ATP2A1: variants seen among roughly 807,000 people sequenced by gnomAD.
The protein encoded by ATP2A1 is ATPase sarcoplasmic/endoplasmic reticulum Ca2+ transporting 1.
A neutral mutation model predicts 109.5 loss-of-function variants in ATP2A1; 83 were observed. That is an observed-to-expected ratio of 0.76 (90% confidence interval 0.63 to 0.91). The LOEUF is 0.91. Among genes scored for constraint, ATP2A1 ranks in the 40% least tolerant of loss-of-function variants. The pLI, the probability that ATP2A1 is intolerant of heterozygous loss-of-function variation, is 0.00. For synonymous variants in ATP2A1, 505 were observed against 537.6 expected (o/e 0.94, Z 0.84); for missense variants, 1,101 against 1,341.0 (o/e 0.82, Z 2.80).
chr16:28,888,776 C>A lies in ATP2A1; in HGVS notation c.929-11C>A. ...TGCAGGTTCCCTCACACCCTCCCTCCCTCCCCACAGGTCTTCCTGCAGTCA... is the reference window on the plus strand; with the variant it reads ...TGCAGGTTCCCTCACACCCTCCCTCACTCCCCACAGGTCTTCCTGCAGTCA... On this transcript the variant is annotated splice_polypyrimidine_tract_variant and intron_variant, in intron 8 of 22. Coordinates refer to ENST00000395503, the MANE Select transcript of ATP2A1 (RefSeq NM_004320.6). 1 of 1,611,470 alleles carries A rather than the reference C, an allele frequency of 6.2e-7. No individual in the cohort carries two copies. The highest frequency in any genetic ancestry group is 1.1e-5 in the South Asian group (1 of 90,996).
intron 11 of ATP2A1, 75 bp from the exon 12 acceptor site, chr16:28,894,747 A>G (rs1422800427): frequency 6.2e-7 from 1 of 1,604,790 alleles, no homozygotes; most frequent in Non-Finnish European, 8.5e-7. Flanking sequence ...CTTCCTTCTT[A>G]CGCTAGGTGG....
intron 4 of ATP2A1, 59 bp downstream of exon 4, chr16:28,881,078 T>C: frequency 6.0e-6 from 9 of 1,509,204 alleles, no homozygotes; most frequent in Non-Finnish European, 8.3e-6. Flanking sequence ...AGGCCAACCC[T>C]CCCTCCAGTC....
rs558066760 is a variant in ATP2A1, at chr16:28,898,646, G to A, written c.1764+195G>A. Among the ~76,000 whole-genome samples, 21 of 152,196 alleles carry A rather than the reference G, an allele frequency of 1.4e-4. No individual in the cohort carries two copies. Among genetic ancestry groups the A allele is most frequent in the Admixed American group, 7.9e-4 (12 of 15,268 alleles). On this transcript the variant is annotated intron_variant, in intron 14 of 22. Coordinates refer to ENST00000395503, the MANE Select transcript of ATP2A1 (RefSeq NM_004320.6). This position sits in a 1 kb window ranked among gnomAD's most constrained non-coding sequence, Gnocchi z 4.0. ...AGGCCGGGTGCAGTGACTCACACCT[G>A]TAATCTCAGCACTTTGGGAAGCTGA...
rs1964109805 is a variant in ATP2A1 at position 28,902,524 on chromosome 16, C to T, written c.2525-56C>T. On this transcript the variant is annotated intron_variant, in intron 17 of 22. Transcript: ENST00000395503. The surrounding 1 kb of genome is among the most constrained non-coding windows in gnomAD (Gnocchi z 4.8). ...CCATGGCCACATGAGGCCCTCAACC[C>T]TCGATGCCCCCTATCTCCCCAGCCC... 3 of 1,588,688 alleles carry T rather than the reference C, an allele frequency of 1.9e-6. No individual in the cohort carries two copies. The highest frequency in any genetic ancestry group is 1.1e-5 in the South Asian group (1 of 89,086).
At chr16:28,879,939 G>A (rs1963410140) in intron 3 of ATP2A1, 2 of 971,748 alleles carry the variant, frequency 2.1e-6, no homozygotes, top group South Asian at 7.7e-5. Flanking sequence ...CCCGGCATGC[G>A]CCGGGCGGAC....
Position 28,898,053 on chromosome 16 carries a change from A to G in ATP2A1, c.1473A>G (p.Arg491=), listed in dbSNP as rs751558973. Residue 491 remains arginine (R), a synonymous_variant, in exon 13 of 23, where the codon AGA becomes AGG. Coordinates refer to ENST00000395503, the MANE Select transcript of ATP2A1 (RefSeq NM_004320.6). The surrounding 1 kb of genome is among the most constrained non-coding windows in gnomAD (Gnocchi z 4.0). The part of the protein sequence containing the change: ...KEFTLEFSRD[R]KSMSVYCSPA... Reference sequence around the variant, plus strand: ...TCACCCTGGAGTTCTCCCGAGACAGAAAGTCCATGTCTGTCTATTGCTCCC... The same window carrying G: ...TCACCCTGGAGTTCTCCCGAGACAGGAAGTCCATGTCTGTCTATTGCTCCC... The G allele has an allele frequency of 5.0e-6, 8 of 1,614,156 alleles. No homozygotes were observed. Among genetic ancestry groups the G allele is most frequent in the African/African-American group, 1.3e-5 (1 of 75,038 alleles).
At chr16:28,888,190 G>A (rs561887193) in intron 8 of ATP2A1, among the ~76,000 whole-genome samples, 1 of 152,150 alleles carries the variant, frequency 6.6e-6, no homozygotes, top group Admixed American at 6.5e-5. Flanking sequence ...ACGCCACCAT[G>A]CCTGGCTAAT....
In ATP2A1 at chr16:28,903,398, C is replaced by A; in HGVS notation, c.2938C>A (p.Leu980Ile). The stretch of plus-strand genomic sequence containing the variant: ...CAAGATCTCACTGCCAGTCATTGGG[C>A]TCGACGAAATCCTCAAGTTCGTTGC... ...VLKISLPVIG[L>I]DEILKFVARN... is the part of the protein sequence containing the mutation. The change falls in exon 21 of 23, where the codon CTC becomes ATC. Residue 980 changes from leucine (L) to isoleucine (I), a missense_variant. Physicochemically the swap from Leu to Ile is conservative, Grantham distance 5. Coordinates refer to ENST00000395503, the MANE Select transcript of ATP2A1 (RefSeq NM_004320.6). This position sits in a 1 kb window ranked among gnomAD's most constrained non-coding sequence, Gnocchi z 5.6. 1.2e-6 allele frequency: 2 copies of A among 1,613,996 alleles called. No individual in the cohort carries two copies. The highest frequency in any genetic ancestry group is 8.5e-7 in the Non-Finnish European group (1 of 1,179,946).
At chr16:28,897,274 T>C (rs1963943832) in intron 12 of ATP2A1, among the ~76,000 whole-genome samples, 1 of 152,056 alleles carries the variant, frequency 6.6e-6, no homozygotes, top group African/African-American at 2.4e-5. Context: ...GGCAAGAGGA[T>C]TGCTTGAGGC....
chr16:28,879,806 A>C, intron 3 of ATP2A1: 2 of 669,890 alleles, frequency 3.0e-6, no homozygotes, highest in Non-Finnish European at 5.0e-6. Context: ...GTTCTCAGCC[A>C]AAACACCGAA....
chr16:28,884,764 A>G, intron 6 of ATP2A1, 109 bp downstream of exon 6: 2 of 1,091,142 alleles, frequency 1.8e-6, no homozygotes, highest in South Asian at 1.5e-5. Context: ...TGAGCAACAT[A>G]AAGAGACCCT....
Position 28,903,138 on chromosome 16 carries a change from C to A in ATP2A1, c.2853C>A (p.Asp951Glu), listed in dbSNP as rs758438542. ...MSLHFLILYV[D>E]PLPMIFKLRA... ...TGCACTTCCTCATCCTCTATGTTGA[C>A]CCCCTGCCGGTGAGGTTTCTTCCGC... The change falls in exon 20 of 23, where the codon GAC becomes GAA. Residue 951 changes from aspartate (D) to glutamate (E), a missense_variant. Coordinates refer to ENST00000395503, the MANE Select transcript of ATP2A1 (RefSeq NM_004320.6). The surrounding 1 kb of genome is among the most constrained non-coding windows in gnomAD (Gnocchi z 5.6). 9.9e-6 allele frequency: 16 copies of A among 1,613,468 alleles called. No homozygotes were observed. The highest frequency in any genetic ancestry group is 1.2e-5 in the Non-Finnish European group (14 of 1,179,940).
intron 9 of ATP2A1, 145 bp from the exon 10 acceptor site, chr16:28,894,010 G>C (rs958593502): frequency 1.5e-6 from 1 of 684,462 alleles, no homozygotes; most frequent in African/African-American, 1.8e-5. Context: ...GAAGTGGGTA[G>C]GGTATACGGG....
At position 28,898,611 on chromosome 16, in the gene ATP2A1, G is replaced by T. The variant is rs1372483499; in HGVS notation, c.1764+160G>T. Among the ~76,000 whole-genome samples, 1 of 152,104 alleles carries T rather than the reference G, an allele frequency of 6.6e-6. No homozygotes were observed. The highest frequency in any genetic ancestry group is 2.4e-5 in the African/African-American group (1 of 41,404). On this transcript the variant is annotated intron_variant, in intron 14 of 22. Transcript: ENST00000395503. The surrounding 1 kb of genome is among the most constrained non-coding windows in gnomAD (Gnocchi z 4.0). The stretch of plus-strand genomic sequence containing the variant: ...AATCACAGGACAGTAGAGTTTCAGA[G>T]AACCTTGGGAGGCCGGGTGCAGTGA...
At chr16:28,887,167 C>T (rs983512381) in intron 6 of ATP2A1, 22 bp from the exon 7 acceptor site, 1 of 1,612,394 alleles carries the variant, frequency 6.2e-7, no homozygotes, top group Non-Finnish European at 8.5e-7. Flanking sequence ...CATCCGAAAA[C>T]CCCTTGGCCC....
At position 28,903,531 on chromosome 16, in the gene ATP2A1, G is replaced by A. The variant is rs980966950; in HGVS notation, c.2980+91G>A. 6.8e-6 allele frequency: 9 copies of A among 1,321,532 alleles called. No individual in the cohort carries two copies. The African/African-American group carries it at 1.3e-4, about 19-fold the overall frequency. 81.9% of individuals were successfully genotyped at this position (1,321,532 alleles called of 1,614,324 possible). On this transcript the variant is annotated intron_variant, in intron 21 of 22. Transcript: ENST00000395503. This position sits in a 1 kb window ranked among gnomAD's most constrained non-coding sequence, Gnocchi z 5.6. Reference sequence around the variant, plus strand: ...CCGCCCCGCCCCGTACTTTGCAGGTGGTAAGTTTCTCAGCCCTGGCAGGAC... The same window carrying A: ...CCGCCCCGCCCCGTACTTTGCAGGTAGTAAGTTTCTCAGCCCTGGCAGGAC...
intron 15 of ATP2A1, among the ~76,000 whole-genome samples, chr16:28,901,367 C>A (rs1415639818): frequency 2.0e-5 from 3 of 147,950 alleles, no homozygotes; most frequent in Admixed American, 6.8e-5. Flanking sequence ...CGGAGGGGCT[C>A]ATGCCTGTAA....
At position 28,883,785 on chromosome 16, in the gene ATP2A1, C is replaced by T. The variant is rs911336850; in HGVS notation, c.464-790C>T. 6.6e-6 allele frequency among the ~76,000 whole-genome samples: 1 copy of T among 152,122 alleles called. No homozygotes were observed. Among genetic ancestry groups the T allele is most frequent in the Non-Finnish European group, 1.5e-5 (1 of 68,012 alleles). On this transcript the variant is annotated intron_variant, in intron 5 of 22. Transcript: ENST00000395503. The surrounding 1 kb of genome is among the most constrained non-coding windows in gnomAD (Gnocchi z 5.2). ...TTCCACACCTGTTTCCTGCCCAACCCCCGCTTCTCTCCTGTCCCATCCCAT... is the reference window on the plus strand; with the variant it reads ...TTCCACACCTGTTTCCTGCCCAACCTCCGCTTCTCTCCTGTCCCATCCCAT...
chr16:28,902,412 T>G lies in ATP2A1; in HGVS notation c.2524+26T>G. The G allele has an allele frequency of 6.2e-7, 1 of 1,611,780 alleles. No homozygotes were observed. Among genetic ancestry groups the G allele is most frequent in the Non-Finnish European group, 8.5e-7 (1 of 1,178,578 alleles). ...GTGAGCTGGAGGGGTTCCTCGATCC[T>G]CCCCACCCCTTGGGACTAACCCCCT... On this transcript the variant is annotated intron_variant, in intron 17 of 22. Transcript: ENST00000395503. The surrounding 1 kb of genome is among the most constrained non-coding windows in gnomAD (Gnocchi z 4.8).
Sources: gnomAD v4.1 joint callset for allele counts (sites outside exome capture counted in the v4.1 genomes callset) on GRCh38, gnomAD v4.1.1 for gene constraint, Gnocchi (gnomAD v3.1) non-coding constraint, MANE v1.5 for transcripts, NCBI Gene and HGNC (gene_info 2026-07-23, HGNC 2026-07-21) for gene names.